DYNC2H1: variants seen among roughly 807,000 people sequenced by gnomAD.
DYNC2H1 encodes the protein dynein cytoplasmic 2 heavy chain 1.
DYNC2H1 carries 410 observed loss-of-function variants against 570.0 expected under a neutral mutation model. The ratio of observed to expected loss-of-function variants is 0.72; its 90% CI spans 0.66 to 0.78. The LOEUF is 0.78. Ranked by LOEUF, DYNC2H1 falls within the 30% of genes least tolerant of loss-of-function variation. The pLI is 0.00. For synonymous variants in DYNC2H1, 1,688 were observed against 1,677.6 expected, an observed-to-expected ratio of 1.01 and a Z score of -0.15; for missense variants, 4,865 against 5,046.4, an observed-to-expected ratio of 0.96 and a Z score of 1.09.
chr11:103,360,812 A>T (rs2135531667), intron 83 of DYNC2H1, among the ~76,000 whole-genome samples: 1 of 152,322 alleles, frequency 6.6e-6, no homozygotes, highest in South Asian at 2.1e-4. Context: ...AAATAAATAA[A>T]ATATATTATT....
chr11:103,342,720 G>T (rs1195385504), intron 82 of DYNC2H1, among the ~76,000 whole-genome samples: 4 of 151,970 alleles, frequency 2.6e-5, no homozygotes, highest in Non-Finnish European at 4.4e-5. Context: ...TAGCCAGGAT[G>T]GTCTCGACCT....
rs1862801416 is a variant in DYNC2H1 at position 103,203,601 on chromosome 11, A to G, written c.8198-62A>G. On this transcript the variant is annotated intron_variant, in intron 50 of 88. Coordinates refer to ENST00000375735, the MANE Select transcript of DYNC2H1 (RefSeq NM_001377.3). This position sits in a 1 kb window ranked among gnomAD's most constrained non-coding sequence, Gnocchi z 4.7. ...ATTGAATAAGAGCAGATTTTTAAAT[A>G]CAAAAATTGAAAAAGCATCATTTAT... is the stretch of plus-strand genomic sequence containing the variant. 1 of 1,084,284 alleles carries G rather than the reference A, an allele frequency of 9.2e-7. No individual in the cohort carries two copies. Among genetic ancestry groups the G allele is most frequent in the Non-Finnish European group, 1.3e-6 (1 of 764,058 alleles). The allele number at this position is 1,084,284 out of a possible 1,614,324, so 67.2% of individuals were successfully genotyped here.
chr11:103,412,351 CAATATTTA>C (rs1943122577), intron 84 of DYNC2H1, among the ~76,000 whole-genome samples: 1 of 151,992 alleles, frequency 6.6e-6, no homozygotes, highest in Non-Finnish European at 1.5e-5. Flanking sequence ...TTTAAATACA[CAATATTTA>C]TAATTTGCTT....
rs184021404 is a variant in DYNC2H1 at position 103,298,718 on chromosome 11, C to T, written c.11096-4375C>T. Among the ~76,000 whole-genome samples the T allele has an allele frequency of 3.2e-3, 484 of 152,150 alleles. 6 individuals carry two copies. In the Middle Eastern group the frequency reaches 0.041, roughly 13 times the overall value. ...AATTACCAGAGAACAACAGGCACTT[C>T]CCTCTTTTTAATCAAATTTTAGAGC... On this transcript the variant is annotated intron_variant, in intron 75 of 88. Transcript: ENST00000375735.
chr11:103,470,792 C>A (rs75670155), intron 88 of DYNC2H1, among the ~76,000 whole-genome samples: 61,215 of 152,100 alleles, frequency 0.4, 13,725 homozygotes, highest in Non-Finnish European at 0.52. Flanking sequence ...ATATGTGCCA[C>A]ATTTTCTTAA....
At chr11:103,213,261 A>G (rs1053347727) in intron 54 of DYNC2H1, among the ~76,000 whole-genome samples, 22 of 152,156 alleles carry the variant, frequency 1.4e-4, no homozygotes, top group African/African-American at 4.8e-4. Context: ...AAACCAAGTC[A>G]TGTCTACTAT....
rs56032983 is a variant in DYNC2H1 at position 103,209,002 on chromosome 11, G to A, written c.8455-874G>A. ...AAAAATATAAGTTTAAAATATTCTCGTATAGGTTTAAGTGTTTTGTCAGAA... is the reference window on the plus strand; with the variant it reads ...AAAAATATAAGTTTAAAATATTCTCATATAGGTTTAAGTGTTTTGTCAGAA... On this transcript the variant is annotated intron_variant, in intron 52 of 88. Coordinates refer to ENST00000375735, the MANE Select transcript of DYNC2H1 (RefSeq NM_001377.3). The surrounding 1 kb of genome is among the most constrained non-coding windows in gnomAD (Gnocchi z 4.2). Among the ~76,000 whole-genome samples the A allele has an allele frequency of 0.18, 26,604 of 151,990 alleles. 2,978 individuals are homozygous for A. Among genetic ancestry groups the A allele is most frequent in the African/African-American group, 0.32 (13,250 of 41,462 alleles).
In DYNC2H1 at chr11:103,185,189, G is replaced by T; in HGVS notation, c.6633+138G>T. ...ATTATGTATTCAATTGAGTAATAAT[G>T]TATTTATGTATGTGTATTTATATTT... On this transcript the variant is annotated intron_variant, in intron 41 of 88. Coordinates refer to ENST00000375735, the MANE Select transcript of DYNC2H1 (RefSeq NM_001377.3). This position sits in a 1 kb window ranked among gnomAD's most constrained non-coding sequence, Gnocchi z 4.5. The T allele has an allele frequency of 3.3e-6, 2 of 601,448 alleles. No individual in the cohort carries two copies. The highest frequency in any genetic ancestry group is 3.5e-5 in the Admixed American group (1 of 28,254). 37.3% of individuals were successfully genotyped at this position (601,448 alleles called of 1,614,324 possible).
intron 85 of DYNC2H1, among the ~76,000 whole-genome samples, chr11:103,448,060 T>C (rs1394485965): frequency 6.6e-6 from 1 of 152,140 alleles, no homozygotes; most frequent in Admixed American, 6.5e-5. Context: ...CATTTGAAAA[T>C]TCTTCAGAAA....
intron 65 of DYNC2H1, among the ~76,000 whole-genome samples, chr11:103,251,473 A>G (rs1225930450): frequency 1.3e-5 from 2 of 152,166 alleles, no homozygotes; most frequent in African/African-American, 4.8e-5. Context: ...TATATCATAA[A>G]ATGCTTTTCT....
chr11:103,133,525 A>G lies in DYNC2H1; in HGVS notation c.1954-30A>G, dbSNP rs1394427826. The G allele has an allele frequency of 1.3e-6, 2 of 1,570,352 alleles. No homozygotes were observed. Among genetic ancestry groups the G allele is most frequent in the East Asian group, 4.5e-5 (2 of 43,996 alleles). On this transcript the variant is annotated intron_variant, in intron 13 of 88. Coordinates refer to ENST00000375735, the MANE Select transcript of DYNC2H1 (RefSeq NM_001377.3). This position sits in a 1 kb window ranked among gnomAD's most constrained non-coding sequence, Gnocchi z 4.8. ...ACTTTTGGAAAAAAGAAATACTTATACATACTAAAGGTTATTTATTGTACC... is the reference window on the plus strand; with the variant it reads ...ACTTTTGGAAAAAAGAAATACTTATGCATACTAAAGGTTATTTATTGTACC...
At chr11:103,378,935 A>G (rs1023714888) in intron 83 of DYNC2H1, among the ~76,000 whole-genome samples, 7 of 152,190 alleles carry the variant, frequency 4.6e-5, no homozygotes, top group Non-Finnish European at 1.0e-4. Context: ...AAGTTCCACG[A>G]TAATATGTTT....
At chr11:103,467,484 T>C (rs1362020698) in intron 87 of DYNC2H1, among the ~76,000 whole-genome samples, 1 of 151,888 alleles carries the variant, frequency 6.6e-6, no homozygotes, top group East Asian at 1.9e-4. Flanking sequence ...AGTTCTTTCA[T>C]TTAGTATGTT....
Position 103,220,742 on chromosome 11 carries a change from G to A in DYNC2H1, c.9066G>A (p.Arg3022=). The change falls in exon 57 of 89, where the codon AGG becomes AGA. Residue 3022 remains arginine (R), a synonymous_variant. Coordinates refer to ENST00000375735, the MANE Select transcript of DYNC2H1 (RefSeq NM_001377.3). ...GAGATATTCTTGAAGGAGTTTTAAGGTTGATGGGTATCTTTGATACATCTT... is the reference window on the plus strand; with the variant it reads ...GAGATATTCTTGAAGGAGTTTTAAGATTGATGGGTATCTTTGATACATCTT... ...VIRDILEGVL[R]LMGIFDTSWV... is the part of the protein sequence containing the mutation. 2.5e-6 allele frequency: 4 copies of A among 1,612,746 alleles called. No homozygotes were observed. Among genetic ancestry groups the A allele is most frequent in the Middle Eastern group, 1.7e-4 (1 of 6,050 alleles).
chr11:103,450,511 A>T (rs1944563455), intron 85 of DYNC2H1, among the ~76,000 whole-genome samples: 1 of 152,252 alleles, frequency 6.6e-6, no homozygotes, highest in South Asian at 2.1e-4. Flanking sequence ...AATGGAATTA[A>T]GTTAGAAACC....
Position 103,163,503 on chromosome 11 carries a change from C to T in DYNC2H1, c.4611+356C>T, listed in dbSNP as rs1036562206. ...GGGATCATCTAAGCATTGGAGCTGGCAGGAACTTAGCAGGTATTAGTGTAA... is the reference window on the plus strand; with the variant it reads ...GGGATCATCTAAGCATTGGAGCTGGTAGGAACTTAGCAGGTATTAGTGTAA... On this transcript the variant is annotated intron_variant, in intron 30 of 88. Transcript: ENST00000375735. The surrounding 1 kb of genome is among the most constrained non-coding windows in gnomAD (Gnocchi z 4.6). Among the ~76,000 whole-genome samples the T allele has an allele frequency of 6.6e-6, 1 of 152,132 alleles. No homozygotes were observed. The highest frequency in any genetic ancestry group is 2.4e-5 in the African/African-American group (1 of 41,438).
chr11:103,338,601 T>A (rs965596484), intron 82 of DYNC2H1, among the ~76,000 whole-genome samples: 1 of 152,244 alleles, frequency 6.6e-6, no homozygotes, highest in African/African-American at 2.4e-5. Flanking sequence ...TCAGTTCTGC[T>A]GTTGAGACAC....
At chr11:103,273,339 C>T (rs1865783620) in intron 70 of DYNC2H1, among the ~76,000 whole-genome samples, 1 of 152,036 alleles carries the variant, frequency 6.6e-6, no homozygotes, top group Admixed American at 6.6e-5. Context: ...CAGGCACACA[C>T]CACCATGGGC....
At chr11:103,229,143 C>T (rs1863907752) in intron 59 of DYNC2H1, among the ~76,000 whole-genome samples, 1 of 152,210 alleles carries the variant, frequency 6.6e-6, no homozygotes, top group Non-Finnish European at 1.5e-5. Flanking sequence ...GGGCTGAGAA[C>T]TTGCCCCAGA....
Sources: allele counts gnomAD v4.1 joint callset (sites outside exome capture counted in the v4.1 genomes callset), GRCh38; gene constraint gnomAD v4.1.1; non-coding constraint Gnocchi (gnomAD v3.1); transcripts MANE v1.5; gene names NCBI Gene and HGNC (gene_info 2026-07-23, HGNC 2026-07-21).